DENND1A: variants seen among roughly 807,000 people sequenced by gnomAD.
DENND1A encodes the protein DENN domain-containing protein 1A.
Under a neutral mutation model 113.7 loss-of-function variants are expected in DENND1A, and 51 were observed. The observed-to-expected ratio is 0.45, with a 90% CI of 0.36 to 0.57. The LOEUF (loss-of-function observed/expected upper bound fraction) is 0.57. DENND1A is among the 20% of genes least tolerant of loss of function. The pLI is 0.00. For synonymous variants in DENND1A, 565 were observed against 570.8 expected (o/e 0.99, Z 0.14); for missense variants, 1,258 against 1,395.9 (o/e 0.90, Z 1.57).
intron 2 of DENND1A, among the ~76,000 whole-genome samples, chr9:123,832,910 G>A (rs1218967580): frequency 1.3e-5 from 2 of 152,004 alleles, no homozygotes; most frequent in Non-Finnish European, 2.9e-5. Flanking sequence ...ATTGAGGTGG[G>A]AAGACCATTT....
At chr9:123,460,891 A>G (rs1366801347) in intron 13 of DENND1A, among the ~76,000 whole-genome samples, 2 of 152,212 alleles carry the variant, frequency 1.3e-5, no homozygotes, top group Non-Finnish European at 2.9e-5. Flanking sequence ...ACTAGACTAT[A>G]TGCTTCACGC....
At chr9:123,482,048 C>T (rs765975673) in intron 13 of DENND1A, among the ~76,000 whole-genome samples, 28 of 152,022 alleles carry the variant, frequency 1.8e-4, no homozygotes, top group Middle Eastern at 3.4e-3. Context: ...AAGTGATCCA[C>T]CTGCCTCGGC....
chr9:123,406,589 A>G (rs2043871935), intron 20 of DENND1A, among the ~76,000 whole-genome samples: 1 of 152,260 alleles, frequency 6.6e-6, no homozygotes, highest in South Asian at 2.1e-4. Flanking sequence ...TGAGAAGTGC[A>G]TAATGACGCT....
chr9:123,651,736 A>G (rs2062671169), intron 9 of DENND1A, among the ~76,000 whole-genome samples: 2 of 152,240 alleles, frequency 1.3e-5, no homozygotes, highest in Admixed American at 1.3e-4. Context: ...GTAGACATTA[A>G]AAAATGACAA....
chr9:123,706,845 GA>G (rs1201508783), intron 5 of DENND1A, among the ~76,000 whole-genome samples: 4 of 150,220 alleles, frequency 2.7e-5, no homozygotes, highest in Non-Finnish European at 5.9e-5. Context: ...TTATCAAATG[GA>G]AAAAAATAGT....
At chr9:123,382,691 C>A (rs1001921875) in intron 23 of DENND1A, 66 bp from the exon 24 acceptor site, 2 of 1,510,850 alleles carry the variant, frequency 1.3e-6, no homozygotes, top group Non-Finnish European at 1.8e-6. Flanking sequence ...TGCCCATTCC[C>A]ACACCACTTC....
At chr9:123,808,103 G>A (rs932428160) in intron 2 of DENND1A, among the ~76,000 whole-genome samples, 1 of 152,020 alleles carries the variant, frequency 6.6e-6, no homozygotes, top group Non-Finnish European at 1.5e-5. Flanking sequence ...GTGGGCACCT[G>A]TAATCCCAAC....
chr9:123,859,670 A>G (rs932549124), intron 2 of DENND1A, among the ~76,000 whole-genome samples: 6 of 152,136 alleles, frequency 3.9e-5, no homozygotes, highest in Admixed American at 1.3e-4. Flanking sequence ...AATGCTTACA[A>G]AGTGTGAAGC....
chr9:123,898,634 A>C (rs1394286597), intron 1 of DENND1A, among the ~76,000 whole-genome samples: 2 of 152,226 alleles, frequency 1.3e-5, no homozygotes, highest in East Asian at 3.9e-4. Context: ...TATGTTTTAC[A>C]TGAAGGTGGA....
At chr9:123,803,795 C>G (rs897818503) in intron 2 of DENND1A, among the ~76,000 whole-genome samples, 3 of 152,174 alleles carry the variant, frequency 2.0e-5, no homozygotes, top group African/African-American at 7.2e-5. Context: ...TTCTTTGTAG[C>G]TATATTCTTT....
chr9:123,385,029 T>C (rs2130905771), intron 22 of DENND1A, among the ~76,000 whole-genome samples: 2 of 152,286 alleles, frequency 1.3e-5, no homozygotes, highest in Middle Eastern at 6.8e-3. Flanking sequence ...GATCCAAGTA[T>C]AGTTAACAAA....
chr9:123,751,123 A>G (rs1446093450), intron 5 of DENND1A: 1 of 152,246 alleles, frequency 6.6e-6, no homozygotes, highest in Non-Finnish European at 1.5e-5. Context: ...GTTTAAAAAC[A>G]CTGGAACAGT....
At chr9:123,445,536 G>A (rs746493966) in intron 18 of DENND1A, among the ~76,000 whole-genome samples, 1 of 152,232 alleles carries the variant, frequency 6.6e-6, no homozygotes, top group Non-Finnish European at 1.5e-5. Context: ...GTGTGCACAT[G>A]GGTATGTGGG....
intron 2 of DENND1A, among the ~76,000 whole-genome samples, chr9:123,842,057 C>T (rs1402274215): frequency 2.6e-5 from 4 of 152,134 alleles, no homozygotes; most frequent in Admixed American, 6.5e-5. Context: ...ACATGCAATT[C>T]CCAAGAAACA....
chr9:123,454,301 C>T (rs1265858947), intron 16 of DENND1A, among the ~76,000 whole-genome samples: 4 of 152,194 alleles, frequency 2.6e-5, no homozygotes, highest in African/African-American at 9.6e-5. Context: ...CCCCTGGCTC[C>T]TGACACATCA....
chr9:123,395,252 C>T (rs2043054387), intron 21 of DENND1A, among the ~76,000 whole-genome samples: 1 of 152,046 alleles, frequency 6.6e-6, no homozygotes, highest in Non-Finnish European at 1.5e-5. Context: ...GGTGACAGCT[C>T]CTGGGAAAAG....
At chr9:123,444,443 C>G (rs1302091731) in intron 18 of DENND1A, among the ~76,000 whole-genome samples, 1 of 152,086 alleles carries the variant, frequency 6.6e-6, no homozygotes, top group Non-Finnish European at 1.5e-5. Context: ...CGCTTGAGGT[C>G]AGGAGTTTGA....
At chr9:123,644,938 T>C (rs1387912398) in intron 9 of DENND1A, among the ~76,000 whole-genome samples, 1 of 152,160 alleles carries the variant, frequency 6.6e-6, no homozygotes, top group Non-Finnish European at 1.5e-5. Flanking sequence ...CAAAAAGCAG[T>C]ATGAATTAAG....
At chr9:123,538,157 C>G (rs2055936095) in intron 13 of DENND1A, among the ~76,000 whole-genome samples, 1 of 152,142 alleles carries the variant, frequency 6.6e-6, no homozygotes, top group South Asian at 2.1e-4. Flanking sequence ...GATTATGAAA[C>G]TAAATTAGTA....
Sources: gnomAD v4.1 joint callset for allele counts (sites outside exome capture counted in the v4.1 genomes callset) on GRCh38, gnomAD v4.1.1 for gene constraint, MANE v1.5 for transcripts, NCBI Gene and HGNC (gene_info 2026-07-23, HGNC 2026-07-21) for gene names.